The following TMEM156 variants were observed in gnomAD, a reference collection of about 807,000 sequenced individuals.
TMEM156 encodes transmembrane protein 156.
A neutral mutation model predicts 30.5 loss-of-function variants in TMEM156; 28 were observed. The ratio of observed to expected loss-of-function variants is 0.92; its 90% CI spans 0.68 to 1.26. The LOEUF is 1.26. Ranked by LOEUF, TMEM156 falls within the 50% of genes most tolerant of loss-of-function variation. The pLI is 0.00. For missense variants in TMEM156, 351 were observed against 340.6 expected (o/e 1.03, Z -0.24); for synonymous variants, 137 against 119.9 (o/e 1.14, Z -0.93).
intron 5 of TMEM156, among the ~76,000 whole-genome samples, chr4:38,977,869 C>T (rs573589836): frequency 4.6e-5 from 7 of 152,182 alleles, no homozygotes; most frequent in African/African-American, 1.7e-4. Flanking sequence ...TCAAATAAAG[C>T]CCCTATCACA....
At chr4:39,007,185 C>T (rs7663552) in intron 1 of TMEM156, among the ~76,000 whole-genome samples, 1 of 151,996 alleles carries the variant, frequency 6.6e-6, no homozygotes, top group Non-Finnish European at 1.5e-5. Context: ...ATCATGCTGG[C>T]AAACTACTTT....
chr4:38,966,765 G>A lies in TMEM156; in HGVS notation c.*915C>T, dbSNP rs1358746140. The stretch of plus-strand genomic sequence containing the variant: ...AACGTTTTGCTATTAAAGTACTTAA[G>A]TATTTTATTTAAATTCGTTTTATTG... On this transcript the variant is annotated 3_prime_UTR_variant, in exon 7 of 7. Coordinates refer to ENST00000381938, the MANE Select transcript of TMEM156 (RefSeq NM_024943.3). The A allele has an allele frequency of 6.7e-6, 1 of 148,176 alleles. No individual in the cohort carries two copies. The highest frequency in any genetic ancestry group is 2.5e-5 in the African/African-American group (1 of 40,044). 9.2% of individuals were successfully genotyped at this position (148,176 alleles called of 1,614,324 possible). A position where few individuals can be genotyped will look rare whatever the true frequency, so the allele number is the denominator to read the frequency against.
chr4:38,994,049 G>T (rs751139053), intron 2 of TMEM156, 51 bp from the exon 3 acceptor site: 2 of 1,486,620 alleles, frequency 1.3e-6, no homozygotes, highest in East Asian at 4.6e-5. Context: ...TACATAGCAA[G>T]AAAACACATA....
chr4:38,967,808 G>T (rs1258618788), intron 6 of TMEM156, among the ~76,000 whole-genome samples, 167 bp from the exon 7 acceptor site: 6 of 152,200 alleles, frequency 3.9e-5, no homozygotes, highest in East Asian at 3.8e-4. Flanking sequence ...CTCTTTCAGG[G>T]CAACCTGACC....
intron 1 of TMEM156, among the ~76,000 whole-genome samples, chr4:39,022,605 A>G (rs772556888): frequency 6.6e-6 from 1 of 152,206 alleles, no homozygotes; most frequent in Non-Finnish European, 1.5e-5. Flanking sequence ...TTGTCCCAGG[A>G]GTATTTTTCA....
At chr4:38,976,715 T>A (rs1035541086) in intron 5 of TMEM156, among the ~76,000 whole-genome samples, 5 of 152,238 alleles carry the variant, frequency 3.3e-5, no homozygotes, top group African/African-American at 1.2e-4. Context: ...GGTAGTTATT[T>A]AAAATGCATG....
At chr4:38,972,073 G>A (rs1486923629) in intron 5 of TMEM156, among the ~76,000 whole-genome samples, 1 of 151,926 alleles carries the variant, frequency 6.6e-6, no homozygotes, top group Admixed American at 6.6e-5. Flanking sequence ...ACAGGTGTGA[G>A]TGACCGCGCC....
chr4:39,028,493 T>G (rs570855353), intron 1 of TMEM156: 1 of 152,362 alleles, frequency 6.6e-6, no homozygotes, highest in Non-Finnish European at 1.5e-5. Context: ...CATCCCTGTT[T>G]CAGTTAATTC....
intron 6 of TMEM156, among the ~76,000 whole-genome samples, chr4:38,968,603 C>G (rs1722453492): frequency 6.6e-6 from 1 of 152,194 alleles, no homozygotes; most frequent in Non-Finnish European, 1.5e-5. Flanking sequence ...GAATGAACAA[C>G]CAGAATGAGA....
intron 1 of TMEM156, chr4:39,028,252 G>T (rs1481863094): frequency 6.6e-6 from 1 of 152,126 alleles, no homozygotes; most frequent in African/African-American, 2.4e-5. Flanking sequence ...GTGACTCACT[G>T]CAATTGCCAC....
intron 5 of TMEM156, among the ~76,000 whole-genome samples, chr4:38,983,395 C>T (rs1372760351): frequency 2.0e-5 from 3 of 152,040 alleles, no homozygotes; most frequent in African/African-American, 4.8e-5. Flanking sequence ...TCTAGGGGTA[C>T]GTTTTAAAGT....
chr4:39,006,340 CTTTTA>C (rs946296698), intron 1 of TMEM156, among the ~76,000 whole-genome samples: 1 of 151,918 alleles, frequency 6.6e-6, no homozygotes, highest in Non-Finnish European at 1.5e-5. Context: ...GTTAGGTTGT[CTTTTA>C]TTTAATTAAT....
intron 5 of TMEM156, chr4:38,980,932 A>G: frequency 1.0e-6 from 1 of 985,348 alleles, no homozygotes; most frequent in East Asian, 1.1e-4. Flanking sequence ...AAGGCATTCA[A>G]TGAATGACTG....
chr4:39,013,557 C>A (rs551630090), intron 1 of TMEM156, among the ~76,000 whole-genome samples: 8 of 151,978 alleles, frequency 5.3e-5, no homozygotes, highest in African/African-American at 1.9e-4. Flanking sequence ...CACCTCACCA[C>A]GCCCAGCTAA....
chr4:39,023,271 C>T (rs1218583875), intron 1 of TMEM156, among the ~76,000 whole-genome samples: 1 of 152,166 alleles, frequency 6.6e-6, no homozygotes, highest in Non-Finnish European at 1.5e-5. Context: ...CAAGTTACTC[C>T]GTCTACAGCA....
At chr4:39,008,766 G>T (rs9990444) in intron 1 of TMEM156, among the ~76,000 whole-genome samples, 63 of 152,200 alleles carry the variant, frequency 4.1e-4, no homozygotes, top group African/African-American at 1.5e-3. Context: ...AACAAAAGCA[G>T]TGTTAAAAGA....
At chr4:38,999,007 A>T in intron 1 of TMEM156, 98 bp from the exon 2 acceptor site, 2 of 995,632 alleles carry the variant, frequency 2.0e-6, no homozygotes, top group Non-Finnish European at 2.9e-6. Context: ...TCTTAGGTGG[A>T]TTCAGTACAT....
chr4:39,004,936 A>T (rs1053465280), intron 1 of TMEM156, among the ~76,000 whole-genome samples: 5 of 152,242 alleles, frequency 3.3e-5, no homozygotes, highest in African/African-American at 1.2e-4. Context: ...GTGAATTTTT[A>T]TAGCAGCTTT....
chr4:38,997,398 A>C (rs989746032), intron 2 of TMEM156, among the ~76,000 whole-genome samples: 14 of 152,214 alleles, frequency 9.2e-5, no homozygotes, highest in Admixed American at 5.2e-4. Context: ...CATGTAACAA[A>C]CTTGCACATG....
Sources: gnomAD v4.1 joint callset for allele counts (sites outside exome capture counted in the v4.1 genomes callset) on GRCh38, gnomAD v4.1.1 for gene constraint, MANE v1.5 for transcripts, NCBI Gene and HGNC (gene_info 2026-07-23, HGNC 2026-07-21) for gene names.